Variants in VOPP1 observed in about 807,000 individuals in gnomAD.
VOPP1 encodes WW domain binding protein VOPP1.
VOPP1 carries 8 observed loss-of-function variants against 23.5 expected under a neutral mutation model. The ratio of observed to expected loss-of-function variants is 0.34; its 90% CI spans 0.20 to 0.61. VOPP1 has a LOEUF of 0.61. Ranked by LOEUF, VOPP1 falls within the 20% of genes least tolerant of loss-of-function variation. VOPP1 has a pLI of 0.78. For missense variants in VOPP1, 174 were observed against 238.1 expected (o/e 0.73, Z 1.77); for synonymous variants, 83 against 97.3 (o/e 0.85, Z 0.86).
chr7:55,443,625 T>C (rs933147579), intron 4 of VOPP1, among the ~76,000 whole-genome samples: 2 of 148,902 alleles, frequency 1.3e-5, no homozygotes, highest in African/African-American at 4.9e-5. Flanking sequence ...TCTGTAAAGA[T>C]ATGAAGGAAT....
chr7:55,468,790 C>T (rs1282087140), downstream of VOPP1, among the ~76,000 whole-genome samples: 1 of 152,080 alleles, frequency 6.6e-6, no homozygotes, highest in African/African-American at 2.4e-5. Context: ...CAGGGTACCA[C>T]GGGACAGGAG....
downstream of VOPP1, among the ~76,000 whole-genome samples, chr7:55,466,433 A>G (rs528290385): frequency 6.6e-6 from 1 of 152,300 alleles, no homozygotes; most frequent in African/African-American, 2.4e-5. Context: ...GCTTTATGAC[A>G]AAGCATTTTA....
intron 4 of VOPP1, among the ~76,000 whole-genome samples, chr7:55,447,245 G>A (rs1003078547): frequency 6.6e-6 from 1 of 152,220 alleles, no homozygotes; most frequent in African/African-American, 2.4e-5. Flanking sequence ...GGTAAACCAA[G>A]CAACAGTGGA....
intron 1 of VOPP1, among the ~76,000 whole-genome samples, chr7:55,539,039 A>AGG (rs1562610437): frequency 8.5e-5 from 1 of 11,716 alleles, no homozygotes; most frequent in Admixed American, 8.8e-4. Flanking sequence ...TTTAAAAAAA[A>AGG]AGGGGGGGGG....
downstream of VOPP1, among the ~76,000 whole-genome samples, chr7:55,467,734 G>T (rs1791668355): frequency 6.6e-6 from 1 of 152,210 alleles, no homozygotes; most frequent in Non-Finnish European, 1.5e-5. Context: ...GCCAGGTGGG[G>T]TCTCCTTTCC....
At chr7:55,468,677 G>A (rs770086676), downstream of VOPP1, among the ~76,000 whole-genome samples, 2 of 152,246 alleles carry the variant, frequency 1.3e-5, no homozygotes, top group Admixed American at 6.5e-5. Context: ...GCGGGGCCGC[G>A]TCAGCTGCAG....
chr7:55,435,896 C>T (rs1790810655), downstream of VOPP1, among the ~76,000 whole-genome samples: 4 of 152,254 alleles, frequency 2.6e-5, no homozygotes, highest in South Asian at 8.3e-4. Flanking sequence ...TGGCTCCTGT[C>T]CTCAGTCAGC....
chr7:55,545,451 T>C (rs920336481), intron 1 of VOPP1, among the ~76,000 whole-genome samples: 3 of 152,120 alleles, frequency 2.0e-5, no homozygotes, highest in African/African-American at 4.8e-5. Flanking sequence ...AACTGACCCA[T>C]GGCAGGAGGG....
At chr7:55,571,642 G>C (rs1798359579) in intron 1 of VOPP1, 1 of 152,232 alleles carries the variant, frequency 6.6e-6, no homozygotes, top group Admixed American at 6.5e-5. Context: ...CGCTCAACAA[G>C]TTCCCCGCCG....
At chr7:55,436,573 C>G (rs1790827100) in intron 4 of VOPP1, among the ~76,000 whole-genome samples, 1 of 151,986 alleles carries the variant, frequency 6.6e-6, no homozygotes, top group Non-Finnish European at 1.5e-5. Context: ...CTCTGCTTGG[C>G]AGCCCTGGGC....
chr7:55,447,370 G>A (rs192685863), intron 4 of VOPP1, among the ~76,000 whole-genome samples: 57 of 152,290 alleles, frequency 3.7e-4, no homozygotes, highest in Admixed American at 2.2e-3. Context: ...TTCACGGTGC[G>A]TAAGGTTTGC....
chr7:55,527,364 C>A (rs1433431730), intron 1 of VOPP1, among the ~76,000 whole-genome samples: 2 of 151,982 alleles, frequency 1.3e-5, no homozygotes, highest in African/African-American at 4.8e-5. Flanking sequence ...GCAGATAAAC[C>A]CTTAAGAAAA....
At chr7:55,509,320 T>C (rs1794926430) in intron 2 of VOPP1, among the ~76,000 whole-genome samples, 1 of 152,204 alleles carries the variant, frequency 6.6e-6, no homozygotes, top group Non-Finnish European at 1.5e-5. Flanking sequence ...TTGCTCATAG[T>C]TCTGGAGGCT....
chr7:55,546,486 A>G (rs527425859), intron 1 of VOPP1, among the ~76,000 whole-genome samples: 1 of 152,246 alleles, frequency 6.6e-6, no homozygotes, highest in African/African-American at 2.4e-5. Context: ...GAAAAACTGG[A>G]GAGATCCAAA....
chr7:55,509,679 C>T (rs2129033785), intron 2 of VOPP1, among the ~76,000 whole-genome samples: 1 of 152,350 alleles, frequency 6.6e-6, no homozygotes, highest in Admixed American at 6.5e-5. Context: ...TCCACCTCTG[C>T]TGCAAAAGTG....
At chr7:55,565,951 T>A (rs1386832194) in intron 1 of VOPP1, among the ~76,000 whole-genome samples, 2 of 152,154 alleles carry the variant, frequency 1.3e-5, no homozygotes, top group Non-Finnish European at 2.9e-5. Flanking sequence ...CCCAGCCCAC[T>A]TAACACTGGC....
intron 4 of VOPP1, among the ~76,000 whole-genome samples, chr7:55,437,263 C>T (rs537075542): frequency 6.6e-6 from 1 of 152,316 alleles, no homozygotes; most frequent in East Asian, 1.9e-4. Flanking sequence ...GAGGCCGCCT[C>T]GTAGCTGTAA....
chr7:55,566,719 T>TAA (rs1584135305), intron 1 of VOPP1, among the ~76,000 whole-genome samples: 1 of 152,242 alleles, frequency 6.6e-6, no homozygotes, highest in East Asian at 1.9e-4. Flanking sequence ...TCACATGGAT[T>TAA]AATGGCTAAG....
At chr7:55,494,858 G>T (rs1445086616) in intron 3 of VOPP1, among the ~76,000 whole-genome samples, 9 of 152,138 alleles carry the variant, frequency 5.9e-5, no homozygotes, top group African/African-American at 2.2e-4. Flanking sequence ...TGGGAGAGAG[G>T]AGTAGTAGTA....
Sources: gnomAD v4.1 joint callset for allele counts (sites outside exome capture counted in the v4.1 genomes callset) on GRCh38, gnomAD v4.1.1 for gene constraint, MANE v1.5 for transcripts, NCBI Gene and HGNC (gene_info 2026-07-23, HGNC 2026-07-21) for gene names.